The following IMMP2L variants were observed in gnomAD, a reference collection of about 807,000 sequenced individuals.
The protein encoded by IMMP2L is mitochondrial inner membrane protease subunit 2.
In IMMP2L, 18 loss-of-function variants were observed where a neutral mutation model predicts 19.3. The ratio of observed to expected loss-of-function variants is 0.93; its 90% CI spans 0.64 to 1.38. The LOEUF (loss-of-function observed/expected upper bound fraction) is 1.38. Among genes scored for constraint, IMMP2L ranks in the 40% most tolerant of loss-of-function variants. The pLI is 0.00. For synonymous variants in IMMP2L, 76 were observed against 73.0 expected, an observed-to-expected ratio of 1.04 and a Z score of -0.21; for missense variants, 233 against 218.2, an observed-to-expected ratio of 1.07 and a Z score of -0.43.
At chr7:111,172,493 G>A (rs1223303996) in intron 3 of IMMP2L, among the ~76,000 whole-genome samples, 1 of 151,430 alleles carries the variant, frequency 6.6e-6, no homozygotes, top group Non-Finnish European at 1.5e-5. Flanking sequence ...TCTTTGTGTT[G>A]AGAACATTCA....
intron 5 of IMMP2L, among the ~76,000 whole-genome samples, chr7:110,756,663 A>G (rs977580126): frequency 1.3e-5 from 2 of 152,146 alleles, no homozygotes; most frequent in African/African-American, 4.8e-5. Context: ...AAACTTTAAA[A>G]TTATACTCAT....
At chr7:110,761,959 C>T (rs1798372957) in intron 5 of IMMP2L, among the ~76,000 whole-genome samples, 1 of 152,120 alleles carries the variant, frequency 6.6e-6, no homozygotes, top group African/African-American at 2.4e-5. Flanking sequence ...AACACGGGGT[C>T]CGTACCTCTG....
At chr7:111,525,364 T>C (rs1846740977) in intron 1 of IMMP2L, among the ~76,000 whole-genome samples, 1 of 151,966 alleles carries the variant, frequency 6.6e-6, no homozygotes, top group South Asian at 2.1e-4. Flanking sequence ...GAGGAGGCAA[T>C]GTAAATCCCA....
intron 3 of IMMP2L, among the ~76,000 whole-genome samples, chr7:111,387,215 T>C (rs1334426394): frequency 6.6e-6 from 1 of 152,160 alleles, no homozygotes; most frequent in East Asian, 1.9e-4. Flanking sequence ...CAGAGTACTT[T>C]GAGGATGGTT....
chr7:111,174,924 T>C (rs1281366888), intron 3 of IMMP2L, among the ~76,000 whole-genome samples: 1 of 151,716 alleles, frequency 6.6e-6, no homozygotes, highest in Non-Finnish European at 1.5e-5. Flanking sequence ...AAATCAAACA[T>C]AAATAAGTCC....
At chr7:111,415,873 A>T (rs930066397) in intron 3 of IMMP2L, among the ~76,000 whole-genome samples, 1 of 151,724 alleles carries the variant, frequency 6.6e-6, no homozygotes, top group Non-Finnish European at 1.5e-5. Flanking sequence ...TTAAACATAT[A>T]CAGGTTTTAA....
chr7:110,893,964 T>C (rs1319017966), intron 4 of IMMP2L, among the ~76,000 whole-genome samples: 2 of 152,034 alleles, frequency 1.3e-5, no homozygotes, highest in Non-Finnish European at 2.9e-5. Flanking sequence ...ATCTATGAGT[T>C]TACTTAGAAG....
intron 3 of IMMP2L, among the ~76,000 whole-genome samples, chr7:111,025,630 C>T (rs1203642071): frequency 6.6e-6 from 1 of 152,122 alleles, no homozygotes; most frequent in Non-Finnish European, 1.5e-5. Flanking sequence ...ACCTGGCTTA[C>T]ACCTCTAATT....
intron 3 of IMMP2L, among the ~76,000 whole-genome samples, chr7:111,347,932 T>C (rs974419426): frequency 2.6e-5 from 4 of 151,754 alleles, no homozygotes; most frequent in Non-Finnish European, 5.9e-5. Context: ...GTGGCACATA[T>C]ACACCATGGA....
intron 3 of IMMP2L, among the ~76,000 whole-genome samples, chr7:111,359,113 G>C (rs1323612086): frequency 6.6e-6 from 1 of 152,098 alleles, no homozygotes; most frequent in African/African-American, 2.4e-5. Flanking sequence ...ACTTTGGAAG[G>C]CAAGGTTAAC....
chr7:110,885,463 A>G (rs1276132918), intron 5 of IMMP2L, among the ~76,000 whole-genome samples: 3 of 151,770 alleles, frequency 2.0e-5, no homozygotes, highest in Non-Finnish European at 4.4e-5. Context: ...AGTGCCAGTT[A>G]ACTCAAAGAT....
chr7:111,123,225 G>A lies in IMMP2L; in HGVS notation c.240-159660C>T, dbSNP rs1298190866. 1.2e-6 allele frequency: 2 copies of A among 1,613,820 alleles called. No individual in the cohort carries two copies. The highest frequency in any genetic ancestry group is 1.7e-6 in the Non-Finnish European group (2 of 1,179,922). On this transcript the variant is annotated intron_variant, in intron 3 of 5. Transcript: ENST00000405709. This position sits in a 1 kb window ranked among gnomAD's most constrained non-coding sequence, Gnocchi z 6.4. Reference sequence around the variant, plus strand: ...AAGAACTCTATATTAATCACAACTTGCTTTCTACAATTTCACCTGGAGCCT... The same window carrying A: ...AAGAACTCTATATTAATCACAACTTACTTTCTACAATTTCACCTGGAGCCT...
chr7:111,530,471 A>T (rs989854833), intron 1 of IMMP2L, among the ~76,000 whole-genome samples: 5 of 152,152 alleles, frequency 3.3e-5, no homozygotes, highest in African/African-American at 1.2e-4. Context: ...CTAAGATTTG[A>T]CCAGTTAGGG....
At chr7:111,134,352 A>G (rs1435027489) in intron 3 of IMMP2L, among the ~76,000 whole-genome samples, 1 of 151,984 alleles carries the variant, frequency 6.6e-6, no homozygotes, top group Admixed American at 6.6e-5. Context: ...CAAAACTTAA[A>G]GAAAGAGTAT....
At chr7:111,071,754 A>C (rs569220517) in intron 3 of IMMP2L, among the ~76,000 whole-genome samples, 73 of 152,162 alleles carry the variant, frequency 4.8e-4, no homozygotes, top group Admixed American at 2.8e-3. Flanking sequence ...TAACTGCTTA[A>C]TGGGTACAGT....
intron 5 of IMMP2L, among the ~76,000 whole-genome samples, chr7:110,732,718 T>C (rs1363352444): frequency 1.3e-5 from 2 of 152,282 alleles, no homozygotes; most frequent in East Asian, 1.9e-4. Context: ...CTACTACATA[T>C]GCTTCGTAAA....
intron 3 of IMMP2L, among the ~76,000 whole-genome samples, chr7:111,228,650 G>T (rs750949671): frequency 7.9e-5 from 12 of 151,974 alleles, no homozygotes; most frequent in Non-Finnish European, 1.2e-4. Context: ...AAAGTTTGGT[G>T]AGTTTTGTAT....
chr7:111,112,711 T>C (rs1352992843), intron 3 of IMMP2L, among the ~76,000 whole-genome samples: 1 of 152,158 alleles, frequency 6.6e-6, no homozygotes, highest in South Asian at 2.1e-4. Flanking sequence ...GACACACTTT[T>C]GAAAAGAAAA....
intron 3 of IMMP2L, among the ~76,000 whole-genome samples, chr7:111,468,377 T>C (rs138662314): frequency 1.5e-3 from 235 of 152,264 alleles, no homozygotes; most frequent in African/African-American, 4.6e-3. Flanking sequence ...ATCACATAAA[T>C]ACATTGTATT....
Sources: allele counts gnomAD v4.1 joint callset (sites outside exome capture counted in the v4.1 genomes callset), GRCh38; gene constraint gnomAD v4.1.1; non-coding constraint Gnocchi (gnomAD v3.1); transcripts MANE v1.5; gene names NCBI Gene and HGNC (gene_info 2026-07-23, HGNC 2026-07-21).